Variants in CYRIB observed in about 807,000 individuals in gnomAD.
CYRIB encodes CYFIP related Rac1 interactor B.
In CYRIB, 8 loss-of-function variants were observed where a neutral mutation model predicts 44.2. The ratio of observed to expected loss-of-function variants is 0.18; its 90% CI spans 0.11 to 0.33. The LOEUF (loss-of-function observed/expected upper bound fraction) is 0.33. Among genes scored for constraint, CYRIB ranks in the 10% least tolerant of loss-of-function variants. CYRIB has a pLI of 1.00. For missense variants in CYRIB, 185 were observed against 382.8 expected, an observed-to-expected ratio of 0.48 and a Z score of 4.31; for synonymous variants, 131 against 127.2, an observed-to-expected ratio of 1.03 and a Z score of -0.20.
intron 1 of CYRIB, among the ~76,000 whole-genome samples, chr8:129,975,176 A>G (rs118138426): frequency 0.056 from 8,522 of 151,552 alleles, 228 homozygotes; most frequent in Middle Eastern, 0.075. Flanking sequence ...ACTGCGCCTG[A>G]CCTAATTTTT....
At chr8:129,939,142 C>T (rs1266754455) in intron 1 of CYRIB, among the ~76,000 whole-genome samples, 1 of 151,838 alleles carries the variant, frequency 6.6e-6, no homozygotes, top group African/African-American at 2.4e-5. Context: ...CGAGGCGAGG[C>T]GAAGCCCGGG....
At position 129,951,084 on chromosome 8, in the gene CYRIB, C is replaced by T. The variant is rs563319394; in HGVS notation, c.-243+19859G>A. Among the ~76,000 whole-genome samples the T allele has an allele frequency of 3.9e-4, 59 of 152,270 alleles. 1 individual carries two copies. The highest frequency in any genetic ancestry group is 1.4e-3 in the African/African-American group (58 of 41,562). ...CTTTAGGAGGCCAAGGCAGGCAGAT[C>T]ACTCAAGTCAGGAACTTGAGACCAG... On this transcript the variant is annotated intron_variant, in intron 2 of 14. Coordinates refer to the CYRIB transcript ENST00000401979.
At chr8:129,995,123 T>A (rs538541853) in intron 1 of CYRIB, among the ~76,000 whole-genome samples, 1 of 152,078 alleles carries the variant, frequency 6.6e-6, no homozygotes, top group East Asian at 1.9e-4. Context: ...CACCCCAAAA[T>A]ATAAAAAGTA....
intron 5 of CYRIB, among the ~76,000 whole-genome samples, chr8:129,857,529 A>T (rs1227219751): frequency 6.6e-6 from 1 of 152,204 alleles, no homozygotes; most frequent in East Asian, 1.9e-4. Flanking sequence ...TAATTTGTGG[A>T]CCACATTAAG....
chr8:129,867,505 C>T (rs186014546), intron 4 of CYRIB, among the ~76,000 whole-genome samples: 1 of 151,872 alleles, frequency 6.6e-6, no homozygotes, highest in Non-Finnish European at 1.5e-5. Flanking sequence ...TTATTTCCCT[C>T]TAGGTGGTTA....
intron 5 of CYRIB, among the ~76,000 whole-genome samples, chr8:129,858,962 CGA>C (rs2047693794): frequency 6.6e-6 from 1 of 152,066 alleles, no homozygotes; most frequent in African/African-American, 2.4e-5. Flanking sequence ...TGTGCAGAGA[CGA>C]GAGAGTGTAG....
intron 1 of CYRIB, among the ~76,000 whole-genome samples, chr8:129,976,405 T>C (rs1564548832): frequency 2.0e-5 from 3 of 152,258 alleles, no homozygotes; most frequent in Non-Finnish European, 2.9e-5. Flanking sequence ...ACCGTTTTTC[T>C]AAACTAGACT....
At chr8:129,963,224 TG>T (rs1256795869) in intron 2 of CYRIB, among the ~76,000 whole-genome samples, 2 of 152,218 alleles carry the variant, frequency 1.3e-5, no homozygotes, top group Non-Finnish European at 2.9e-5. Flanking sequence ...CTTTAAGCCT[TG>T]GATCCTCCAG....
At position 130,016,361 on chromosome 8, in the gene CYRIB, G is replaced by A. The variant is rs1277713502; in HGVS notation, c.-296+9C>T. On this transcript the variant is annotated intron_variant, in intron 1 of 14. Coordinates refer to the CYRIB transcript ENST00000401979. ...CGGGCGGCGGCGCCTTCAGAGCCCC[G>A]GCACGTACCTGGCGGCCCGGGCGGG... 3.4e-5 allele frequency: 5 copies of A among 148,280 alleles called. No individual in the cohort carries two copies. Among genetic ancestry groups the A allele is most frequent in the South Asian group, 2.0e-4 (1 of 4,930 alleles). 9.2% of individuals were successfully genotyped at this position (148,280 alleles called of 1,614,324 possible). A position where few individuals can be genotyped will look rare whatever the true frequency, so the allele number is the denominator to read the frequency against.
At chr8:129,858,434 G>T in intron 5 of CYRIB, among the ~76,000 whole-genome samples, 1 of 152,148 alleles carries the variant, frequency 6.6e-6, no homozygotes, top group East Asian at 1.9e-4. Flanking sequence ...TAGAAGGAAT[G>T]ATAAAGATGA....
At chr8:129,933,831 G>A (rs940126938) in intron 1 of CYRIB, among the ~76,000 whole-genome samples, 10 of 151,576 alleles carry the variant, frequency 6.6e-5, no homozygotes, top group South Asian at 2.1e-4. Flanking sequence ...CCAAGATTGC[G>A]TCATTGCACT....
chr8:129,930,365 T>TTTATATATATATATATATATATA (rs369665802), intron 1 of CYRIB, among the ~76,000 whole-genome samples: 1 of 50,436 alleles, frequency 2.0e-5, no homozygotes, highest in Non-Finnish European at 4.0e-5. Flanking sequence ...TGTGAAGTGC[T>TTTATATATATATATATATATATA]TATATATATA....
At chr8:129,854,708 C>T (rs748792505) in intron 6 of CYRIB, among the ~76,000 whole-genome samples, 6 of 152,178 alleles carry the variant, frequency 3.9e-5, no homozygotes, top group Admixed American at 1.3e-4. Context: ...TAGAATTTTA[C>T]ATACAAATCT....
intron 1 of CYRIB, among the ~76,000 whole-genome samples, chr8:129,932,480 A>C (rs1564130417): frequency 6.6e-6 from 1 of 152,170 alleles, no homozygotes; most frequent in Non-Finnish European, 1.5e-5. Context: ...TCCAGTAAGA[A>C]AGCCCACTGG....
chr8:129,910,693 G>C (rs537220350), intron 1 of CYRIB, among the ~76,000 whole-genome samples: 1 of 152,276 alleles, frequency 6.6e-6, no homozygotes, highest in East Asian at 1.9e-4. Flanking sequence ...AGCTACATGT[G>C]TGGCTGAGAC....
chr8:130,013,860 C>G (rs73712823), intron 1 of CYRIB, among the ~76,000 whole-genome samples: 133 of 152,338 alleles, frequency 8.7e-4, no homozygotes, highest in African/African-American at 3.1e-3. Context: ...CCTCAAAGAG[C>G]AAAGGGGAAC....
chr8:129,880,260 T>C (rs2060421151), intron 2 of CYRIB: 1 of 438,480 alleles, frequency 2.3e-6, no homozygotes, highest in Non-Finnish European at 3.0e-6. Flanking sequence ...ATGCAACCTT[T>C]GTTTGATTCC....
upstream of CYRIB, among the ~76,000 whole-genome samples, chr8:129,941,414 C>G (rs753118061): frequency 6.6e-6 from 1 of 151,680 alleles, no homozygotes; most frequent in Non-Finnish European, 1.5e-5. Context: ...GCTGGGATTA[C>G]AGGTGCACAC....
intron 1 of CYRIB, among the ~76,000 whole-genome samples, chr8:129,991,324 A>ATACTGAAACGTAATCCCCAATGTGGCTG (rs1326315043): frequency 7.2e-5 from 11 of 151,930 alleles, no homozygotes; most frequent in Non-Finnish European, 1.5e-4. Flanking sequence ...TCCAAAACTC[A>ATACTGAAACGTAATCCCCAATGTGGCTG]TACTGAAACG....
Sources: gnomAD v4.1 joint callset for allele counts (sites outside exome capture counted in the v4.1 genomes callset) on GRCh38, gnomAD v4.1.1 for gene constraint, MANE v1.5 for transcripts, NCBI Gene and HGNC (gene_info 2026-07-23, HGNC 2026-07-21) for gene names.